Variants in PDE9A observed in about 807,000 individuals in gnomAD.
PDE9A encodes the protein phosphodiesterase 9A.
PDE9A carries 60 observed loss-of-function variants against 87.4 expected under a neutral mutation model. The ratio of observed to expected loss-of-function variants is 0.69; its 90% confidence interval spans 0.56 to 0.85. The LOEUF (loss-of-function observed/expected upper bound fraction) is 0.85. Ranked by LOEUF, PDE9A falls within the 40% of genes least tolerant of loss-of-function variation. The pLI, the probability that PDE9A is intolerant of heterozygous loss-of-function variation, is 0.00. For missense variants in PDE9A, 665 were observed against 779.0 expected, an observed-to-expected ratio of 0.85 and a Z score of 1.74; for synonymous variants, 272 against 279.4, an observed-to-expected ratio of 0.97 and a Z score of 0.27.
chr21:42,773,834 G>T (rs2057261856), intron 19 of PDE9A, among the ~76,000 whole-genome samples: 1 of 150,404 alleles, frequency 6.6e-6, no homozygotes. Flanking sequence ...GCCGGGCGCA[G>T]TGGCTCATGC....
intron 9 of PDE9A, among the ~76,000 whole-genome samples, 186 bp from the exon 10 acceptor site, chr21:42,753,804 C>A (rs1404419587): frequency 6.7e-6 from 1 of 149,812 alleles, no homozygotes; most frequent in Admixed American, 6.7e-5. Flanking sequence ...GCAGAGGTTG[C>A]CGTGAGCCAA....
intron 17 of PDE9A, among the ~76,000 whole-genome samples, chr21:42,769,403 ACAC>A (rs1422345539): frequency 2.7e-5 from 3 of 111,568 alleles, no homozygotes; most frequent in South Asian, 3.3e-4. Context: ...AAATGCACAC[ACAC>A]GGCACACACA....
chr21:42,724,176 G>A (rs910772478), intron 4 of PDE9A, among the ~76,000 whole-genome samples: 5 of 152,106 alleles, frequency 3.3e-5, no homozygotes, highest in Non-Finnish European at 4.4e-5. Context: ...GGTGGTGCCC[G>A]GAGCGCACCC....
chr21:42,699,081 A>C (rs1333459942), intron 4 of PDE9A, 70 bp downstream of exon 4: 5 of 952,390 alleles, frequency 5.2e-6, no homozygotes, highest in Non-Finnish European at 8.6e-6. Context: ...CCTGTGATAA[A>C]ATATATACTA....
intron 1 of PDE9A, among the ~76,000 whole-genome samples, chr21:42,657,855 T>C (rs2057202024): frequency 6.6e-6 from 1 of 152,192 alleles, no homozygotes; most frequent in South Asian, 2.1e-4. Context: ...TGGGCTGTGG[T>C]GTTCTGGTCT....
chr21:42,765,018 G>GATGGATGGATGGATGGATGA (rs140976951), intron 14 of PDE9A, among the ~76,000 whole-genome samples: 5 of 150,638 alleles, frequency 3.3e-5, no homozygotes, highest in African/African-American at 1.2e-4. Flanking sequence ...TGGATGGATG[G>GATGGATGGATGGATGGATGA]ATGGGTGGAT....
At position 42,722,009 on chromosome 21, in the gene PDE9A, C is replaced by T. The variant is rs2050583476; in HGVS notation, c.263-9761C>T. On this transcript the variant is annotated intron_variant, in intron 4 of 19. Transcript: ENST00000291539. The surrounding 1 kb of genome is among the most constrained non-coding windows in gnomAD (Gnocchi z 4.1). ...TTTTTTTTTTTGAGATGGAATCTTG[C>T]TCTGTCACCAGGCTGGAGTGCAGTG... Among the ~76,000 whole-genome samples the T allele has an allele frequency of 6.7e-6, 1 of 149,998 alleles. No individual in the cohort carries two copies. Among genetic ancestry groups the T allele is most frequent in the Admixed American group, 6.6e-5 (1 of 15,066 alleles).
At chr21:42,737,607 G>T (rs571833826) in intron 7 of PDE9A, among the ~76,000 whole-genome samples, 1 of 152,076 alleles carries the variant, frequency 6.6e-6, no homozygotes, top group Non-Finnish European at 1.5e-5. Context: ...ATAGCTGCCC[G>T]CCACCATGTC....
At chr21:42,731,641 A>C in intron 4 of PDE9A, 129 bp from the exon 5 acceptor site, 2 of 960,398 alleles carry the variant, frequency 2.1e-6, no homozygotes, top group African/African-American at 1.6e-5. Flanking sequence ...CCGCCGTGAG[A>C]ACACCGTGTT....
chr21:42,772,538 G>A lies in PDE9A; in HGVS notation c.1768+18G>A, dbSNP rs901647352. 4.6e-6 allele frequency: 7 copies of A among 1,526,652 alleles called. 1 individual carries two copies. The Middle Eastern group carries it at 8.4e-4, about 184-fold the overall frequency. The allele number at this position is 1,526,652 out of a possible 1,614,324, so 94.6% of individuals were successfully genotyped here. On this transcript the variant is annotated intron_variant, in intron 19 of 19. Coordinates refer to ENST00000291539, the MANE Select transcript of PDE9A (RefSeq NM_002606.3). ...CAGTGAAGGTAATGCTTGCTCTGCT[G>A]AAGTGGCATCTCAGCGCATACAATG...
intron 4 of PDE9A, among the ~76,000 whole-genome samples, chr21:42,707,910 T>G (rs1421820614): frequency 1.3e-5 from 2 of 152,152 alleles, no homozygotes; most frequent in Non-Finnish European, 2.9e-5. Flanking sequence ...GAAAATGACT[T>G]AGGGGGCATT....
At chr21:42,744,674 G>A (rs888989630) in intron 8 of PDE9A, among the ~76,000 whole-genome samples, 6 of 152,164 alleles carry the variant, frequency 3.9e-5, no homozygotes, top group South Asian at 2.1e-4. Flanking sequence ...GCTGTGACTC[G>A]TGGGGAAAAT....
intron 13 of PDE9A, 101 bp from the exon 14 acceptor site, chr21:42,761,982 C>T: frequency 1.6e-6 from 2 of 1,243,980 alleles, no homozygotes; most frequent in Non-Finnish European, 2.3e-6. Context: ...GCACCTTCTC[C>T]TGACTCTACT....
chr21:42,656,708 G>A (rs1051007938), intron 1 of PDE9A, among the ~76,000 whole-genome samples: 6 of 152,246 alleles, frequency 3.9e-5, no homozygotes, highest in Admixed American at 3.9e-4. Flanking sequence ...CCCTCCTCAG[G>A]AGCTTTTCCT....
intron 7 of PDE9A, among the ~76,000 whole-genome samples, chr21:42,742,406 A>G (rs1001243701): frequency 6.7e-6 from 1 of 149,558 alleles, no homozygotes; most frequent in Admixed American, 6.6e-5. Context: ...GTGAGCCAGG[A>G]ATGCTGATTG....
At position 42,660,705 on chromosome 21, in the gene PDE9A, C is replaced by G. The variant is rs2057418536; in HGVS notation, c.69+6822C>G. On this transcript the variant is annotated intron_variant, in intron 1 of 19. Transcript: ENST00000291539. This position sits in a 1 kb window ranked among gnomAD's most constrained non-coding sequence, Gnocchi z 4.7. The stretch of plus-strand genomic sequence containing the variant: ...TCCATCTGCAGGAGTTGGAGGAGCG[C>G]ATGCCTGTATTCCTGGCACTGCGGG... Among the ~76,000 whole-genome samples the G allele has an allele frequency of 6.6e-6, 1 of 152,060 alleles. No homozygotes were observed. The highest frequency in any genetic ancestry group is 1.5e-5 in the Non-Finnish European group (1 of 68,032).
At chr21:42,769,272 C>A in intron 17 of PDE9A, 117 bp downstream of exon 17, 1 of 921,928 alleles carries the variant, frequency 1.1e-6, no homozygotes, top group Non-Finnish European at 1.7e-6. Flanking sequence ...CACTCATGCA[C>A]ACACGTACAC....
At chr21:42,769,499 G>GGCACACA (rs2056760147) in intron 17 of PDE9A, among the ~76,000 whole-genome samples, 1 of 10,886 alleles carries the variant, frequency 9.2e-5, no homozygotes, top group African/African-American at 3.0e-4. Flanking sequence ...CACAAGGCAC[G>GGCACACA]CAGGTACACA....
At chr21:42,745,338 G>C (rs1482718722) in intron 8 of PDE9A, among the ~76,000 whole-genome samples, 2 of 152,244 alleles carry the variant, frequency 1.3e-5, no homozygotes, top group Non-Finnish European at 1.5e-5. Flanking sequence ...TGCACTCATG[G>C]GCTCATTTGG....
Sources: allele counts gnomAD v4.1 joint callset (sites outside exome capture counted in the v4.1 genomes callset), GRCh38; gene constraint gnomAD v4.1.1; non-coding constraint Gnocchi (gnomAD v3.1); transcripts MANE v1.5; gene names NCBI Gene and HGNC (gene_info 2026-07-23, HGNC 2026-07-21).